Variants in S100Z observed in about 807,000 individuals in gnomAD.
S100Z encodes the protein protein S100-Z.
A neutral mutation model predicts 8.5 loss-of-function variants in S100Z; 11 were observed. That is an observed-to-expected ratio of 1.30 (90% CI 0.82 to 2.15). S100Z has a LOEUF of 2.15. Among genes scored for constraint, S100Z ranks in the 30% most tolerant of loss-of-function variants. The probability of loss-of-function intolerance (pLI) is 0.00; values close to 1 mark genes in which losing one functional copy is unlikely to be tolerated. For synonymous variants in S100Z, 34 were observed against 43.8 expected (o/e 0.78, Z 0.89); for missense variants, 126 against 117.9 (o/e 1.07, Z -0.32).
intron 1 of S100Z, among the ~76,000 whole-genome samples, chr5:76,859,099 G>T (rs1429590808): frequency 1.3e-5 from 2 of 152,146 alleles, no homozygotes; most frequent in African/African-American, 4.8e-5. Flanking sequence ...GGGTGAAAGA[G>T]CGAGACAGTG....
intron 4 of S100Z, among the ~76,000 whole-genome samples, chr5:76,914,937 T>C (rs1744802319): frequency 6.6e-6 from 1 of 152,154 alleles, no homozygotes; most frequent in Non-Finnish European, 1.5e-5. Flanking sequence ...TTAAGAACTG[T>C]AACACTCACC....
At chr5:76,890,906 AG>A (rs1261349245) in intron 4 of S100Z, among the ~76,000 whole-genome samples, 3 of 152,172 alleles carry the variant, frequency 2.0e-5, no homozygotes, top group Admixed American at 6.6e-5. Flanking sequence ...TCTGTTACCC[AG>A]GCTGGAGTGC....
the S100Z span, among the ~76,000 whole-genome samples, chr5:76,946,167 A>T: frequency 6.6e-6 from 1 of 152,128 alleles, no homozygotes; most frequent in Non-Finnish European, 1.5e-5. Context: ...TTTCTGATTC[A>T]CTGCGATAAT....
At chr5:76,851,954 T>G (rs1240159601) in intron 1 of S100Z, among the ~76,000 whole-genome samples, 1 of 152,112 alleles carries the variant, frequency 6.6e-6, no homozygotes, top group African/African-American at 2.4e-5. Flanking sequence ...TGTCCTGCAG[T>G]CTTATGTTTG....
At chr5:76,875,522 G>T (rs764979345) in intron 3 of S100Z, 22 bp downstream of exon 3, 1 of 1,589,866 alleles carries the variant, frequency 6.3e-7, no homozygotes, top group South Asian at 1.1e-5. Flanking sequence ...CTTTGTAAAT[G>T]CTGTATTCAT....
intron 4 of S100Z, among the ~76,000 whole-genome samples, chr5:76,898,101 A>G (rs1744102960): frequency 1.3e-5 from 2 of 151,864 alleles, no homozygotes; most frequent in South Asian, 4.2e-4. Context: ...CCCATTCAGT[A>G]TGATTCTAGC....
intron 4 of S100Z, among the ~76,000 whole-genome samples, chr5:76,902,559 A>G (rs1370709177): frequency 2.0e-5 from 3 of 151,930 alleles, no homozygotes; most frequent in African/African-American, 4.8e-5. Flanking sequence ...CAGTGATTTG[A>G]AATCTCTTCA....
At chr5:76,854,033 C>G (rs571531901) in intron 1 of S100Z, among the ~76,000 whole-genome samples, 2 of 152,152 alleles carry the variant, frequency 1.3e-5, no homozygotes, top group Non-Finnish European at 2.9e-5. Context: ...CTGCCATGAT[C>G]GAAAGTTTCC....
intron 4 of S100Z, among the ~76,000 whole-genome samples, chr5:76,914,517 A>G (rs966651776): frequency 3.9e-5 from 6 of 152,088 alleles, no homozygotes; most frequent in Non-Finnish European, 7.3e-5. Flanking sequence ...GTCCCCTTCC[A>G]TGCTGTGGAA....
At chr5:76,875,640 A>C in intron 3 of S100Z, 140 bp downstream of exon 3, 1 of 728,136 alleles carries the variant, frequency 1.4e-6, no homozygotes, top group Non-Finnish European at 2.2e-6. Flanking sequence ...AATATAGGGG[A>C]AGCAAACACT....
the S100Z span, among the ~76,000 whole-genome samples, chr5:76,940,287 G>T: frequency 6.6e-6 from 1 of 152,174 alleles, no homozygotes; most frequent in Non-Finnish European, 1.5e-5. Context: ...TAAAAATTAG[G>T]AGGAACCTAA....
chr5:76,865,929 C>G (rs1751258113), intron 1 of S100Z, among the ~76,000 whole-genome samples: 1 of 150,840 alleles, frequency 6.6e-6, no homozygotes, highest in African/African-American at 2.4e-5. Context: ...GCAGGAGAAT[C>G]ACTTGAACCC....
intron 4 of S100Z, among the ~76,000 whole-genome samples, chr5:76,901,480 G>A (rs1744223000): frequency 6.6e-6 from 1 of 152,194 alleles, no homozygotes; most frequent in African/African-American, 2.4e-5. Flanking sequence ...TCCAAAGGCA[G>A]AGGAGCCTCA....
the S100Z span, among the ~76,000 whole-genome samples, chr5:76,939,531 T>TTTTA: frequency 6.6e-6 from 1 of 150,552 alleles, no homozygotes; most frequent in African/African-American, 2.4e-5. Flanking sequence ...TTTTTTTTTT[T>TTTTA]AATGGAGTTT....
At chr5:76,854,085 T>C (rs1750809091) in intron 1 of S100Z, among the ~76,000 whole-genome samples, 1 of 152,226 alleles carries the variant, frequency 6.6e-6, no homozygotes, top group South Asian at 2.1e-4. Flanking sequence ...CTATGCTTCC[T>C]GTACGGCCTG....
downstream of S100Z, among the ~76,000 whole-genome samples, chr5:76,922,684 C>T (rs1019531226): frequency 3.3e-5 from 5 of 152,194 alleles, no homozygotes; most frequent in South Asian, 2.1e-4. Context: ...CTACCACGCC[C>T]GGCTAATTTT....
At chr5:76,866,608 C>T (rs1395372658) in intron 1 of S100Z, among the ~76,000 whole-genome samples, 1 of 152,008 alleles carries the variant, frequency 6.6e-6, no homozygotes, top group Non-Finnish European at 1.5e-5. Context: ...TTTACTGTAC[C>T]TTTTCTATAT....
the S100Z span, among the ~76,000 whole-genome samples, chr5:76,931,743 A>C: frequency 6.6e-6 from 1 of 152,220 alleles, no homozygotes; most frequent in African/African-American, 2.4e-5. Context: ...AGTAAGCTGC[A>C]ATCTTAAGAA....
the S100Z span, among the ~76,000 whole-genome samples, chr5:76,932,191 T>C: frequency 2.0e-5 from 3 of 152,198 alleles, no homozygotes; most frequent in Admixed American, 2.0e-4. Context: ...CTGTTGTTTG[T>C]CTGGTTTTTG....
Sources: gnomAD v4.1 joint callset for allele counts (sites outside exome capture counted in the v4.1 genomes callset) on GRCh38, gnomAD v4.1.1 for gene constraint, MANE v1.5 for transcripts, NCBI Gene and HGNC (gene_info 2026-07-23, HGNC 2026-07-21) for gene names.